Variants in MUSK observed in about 807,000 individuals in gnomAD.
MUSK encodes muscle, skeletal receptor tyrosine-protein kinase.
A neutral mutation model predicts 88.7 loss-of-function variants in MUSK; 55 were observed. The observed-to-expected ratio is 0.62, with a 90% CI of 0.50 to 0.78. MUSK has a LOEUF of 0.78. MUSK is among the 30% of genes least tolerant of loss of function. The pLI is 0.00. For missense variants in MUSK, 1,015 were observed against 1,074.3 expected (o/e 0.94, Z 0.77); for synonymous variants, 387 against 391.9 (o/e 0.99, Z 0.15).
chr9:110,798,763 T>C (rs565740462), intron 14 of MUSK, among the ~76,000 whole-genome samples: 1 of 152,290 alleles, frequency 6.6e-6, no homozygotes, highest in Non-Finnish European at 1.5e-5. Context: ...AATTACAATA[T>C]AGAAAACATT....
At chr9:110,704,984 CA>C (rs35622904) in intron 5 of MUSK, among the ~76,000 whole-genome samples, 296 of 111,984 alleles carry the variant, frequency 2.6e-3, no homozygotes, top group East Asian at 8.2e-3. Flanking sequence ...GATTCCATCT[CA>C]AAAAAAAAAA....
chr9:110,694,304 T>A (rs1161076029), intron 3 of MUSK, among the ~76,000 whole-genome samples: 2 of 140,848 alleles, frequency 1.4e-5, no homozygotes, highest in Non-Finnish European at 3.0e-5. Flanking sequence ...GACAATGGCA[T>A]GAACCCGGGA....
intron 1 of MUSK, among the ~76,000 whole-genome samples, chr9:110,680,133 G>A (rs976044818): frequency 6.6e-6 from 1 of 152,032 alleles, no homozygotes; most frequent in Non-Finnish European, 1.5e-5. Context: ...AGTGTTCTGA[G>A]TTTAAAATTA....
intron 3 of MUSK, 59 bp downstream of exon 3, chr9:110,687,327 G>C (rs1412299684): frequency 1.3e-6 from 2 of 1,591,286 alleles, no homozygotes; most frequent in Non-Finnish European, 1.7e-6. Context: ...ACTTAGTTTT[G>C]TATTTATTTT....
At chr9:110,799,068 GA>G (rs2078054325) in intron 14 of MUSK, among the ~76,000 whole-genome samples, 1 of 152,054 alleles carries the variant, frequency 6.6e-6, no homozygotes, top group Non-Finnish European at 1.5e-5. Flanking sequence ...ATCCAAAAAG[GA>G]TCCCACAGAA....
At chr9:110,734,150 T>C (rs990891740) in intron 5 of MUSK, 101 bp from the exon 6 acceptor site, 3 of 1,332,360 alleles carry the variant, frequency 2.3e-6, no homozygotes, top group Non-Finnish European at 3.1e-6. Context: ...ACTGAAGAAC[T>C]GCACACAGGG....
In MUSK at chr9:110,787,759, G is replaced by A. The variant is rs747680531; in HGVS notation, c.1848G>A (p.Ser616=). Residue 616 remains serine (S), a synonymous_variant, in exon 14 of 15, where the codon TCG becomes TCA. Transcript: ENST00000374448. ...VAVKMLKEEA[S]ADMQADFQRE... is the part of the protein sequence containing the mutation. The stretch of plus-strand genomic sequence containing the variant: ...TAAAGATGCTCAAAGAAGAAGCCTC[G>A]GCAGATATGCAAGCGGACTTTCAGA... 1.1e-5 allele frequency: 18 copies of A among 1,613,790 alleles called. No homozygotes were observed. The highest frequency in any genetic ancestry group is 7.7e-5 in the South Asian group (7 of 91,018).
intron 3 of MUSK, among the ~76,000 whole-genome samples, chr9:110,689,340 A>C (rs1276641612): frequency 1.7e-5 from 2 of 118,488 alleles, no homozygotes; most frequent in African/African-American, 3.5e-5. Context: ...ATTTAAATAT[A>C]AATATATAAA....
intron 6 of MUSK, among the ~76,000 whole-genome samples, chr9:110,742,396 C>T (rs113225467): frequency 0.07 from 10,727 of 152,186 alleles, 393 homozygotes; most frequent in Middle Eastern, 0.099. Context: ...GTGGAGGTTA[C>T]AGTGAGCCAA....
chr9:110,779,058 C>CTGTGTGTGTGTGTG (rs10680441), intron 11 of MUSK, among the ~76,000 whole-genome samples: 9 of 149,616 alleles, frequency 6.0e-5, no homozygotes, highest in African/African-American at 2.2e-4. Context: ...GTCAGTGTCT[C>CTGTGTGTGTGTGTG]TGTGTGTGTG....
intron 5 of MUSK, among the ~76,000 whole-genome samples, chr9:110,722,028 T>C (rs897906691): frequency 1.3e-5 from 2 of 152,134 alleles, no homozygotes; most frequent in African/African-American, 4.8e-5. Context: ...CTGGGATAAT[T>C]GGCAAGCCAC....
Position 110,690,008 on chromosome 9 carries a change from T to C in MUSK, c.358+2740T>C, listed in dbSNP as rs554789439. On this transcript the variant is annotated intron_variant, in intron 3 of 14. Transcript: ENST00000374448. ...TATTATAATTATATATTATATATTA[T>C]AAATATATAATATATATTATATATT... is the stretch of plus-strand genomic sequence containing the variant. Among the ~76,000 whole-genome samples the C allele has an allele frequency of 3.8e-4, 33 of 86,002 alleles. No homozygotes were observed. The East Asian group carries it at 0.011, about 30-fold the overall frequency. 56.4% of individuals were successfully genotyped at this position (86,002 alleles called of 152,430 possible).
Position 110,781,851 on chromosome 9 carries a change from A to G in MUSK, c.1385-2964A>G, listed in dbSNP as rs144076510. Among the ~76,000 whole-genome samples, 3 of 152,272 alleles carry G rather than the reference A, an allele frequency of 2.0e-5. 1 individual carries two copies. Among genetic ancestry groups the G allele is most frequent in the African/African-American group, 7.2e-5 (3 of 41,552 alleles). On this transcript the variant is annotated intron_variant, in intron 11 of 14. Transcript: ENST00000374448. ...GGACTCTACCCTTATTCATTTCAAC[A>G]CATGAATGTGGGGGAAAGACACAAA...
At chr9:110,697,645 G>T (rs1289315970) in intron 5 of MUSK, among the ~76,000 whole-genome samples, 179 bp downstream of exon 5, 1 of 152,020 alleles carries the variant, frequency 6.6e-6, no homozygotes, top group Non-Finnish European at 1.5e-5. Context: ...AAAAAAGAAA[G>T]AAATTTTCAC....
chr9:110,797,947 A>G (rs750040411), intron 14 of MUSK, among the ~76,000 whole-genome samples: 7 of 152,198 alleles, frequency 4.6e-5, no homozygotes, highest in African/African-American at 1.4e-4. Flanking sequence ...CAGTTTTCCA[A>G]TTTAACCACA....
intron 1 of MUSK, among the ~76,000 whole-genome samples, chr9:110,678,278 A>G (rs2076056034): frequency 6.6e-6 from 1 of 151,876 alleles, no homozygotes; most frequent in Non-Finnish European, 1.5e-5. Context: ...GTACCCGGCT[A>G]ATTTTTTTAT....
intron 7 of MUSK, among the ~76,000 whole-genome samples, chr9:110,753,287 C>G (rs2077270191): frequency 6.6e-6 from 1 of 151,948 alleles, no homozygotes; most frequent in African/African-American, 2.4e-5. Context: ...CAAAAATTAG[C>G]CAGGTATGGT....
intron 5 of MUSK, among the ~76,000 whole-genome samples, chr9:110,726,793 C>T (rs2076890477): frequency 6.6e-6 from 1 of 151,924 alleles, no homozygotes; most frequent in Admixed American, 6.6e-5. Flanking sequence ...AACTTAGAAA[C>T]AAACACATTG....
chr9:110,675,562 CTT>C (rs10607243), intron 1 of MUSK, among the ~76,000 whole-genome samples: 2,676 of 60,552 alleles, frequency 0.044, 9 homozygotes, highest in African/African-American at 0.058. Flanking sequence ...ATAGTCTTCC[CTT>C]TTTTTTTTTT....
Sources: allele counts gnomAD v4.1 joint callset (sites outside exome capture counted in the v4.1 genomes callset), GRCh38; gene constraint gnomAD v4.1.1; transcripts MANE v1.5; gene names NCBI Gene and HGNC (gene_info 2026-07-23, HGNC 2026-07-21).